CREB1: variants seen among roughly 807,000 people sequenced by gnomAD.
CREB1 encodes the protein cyclic AMP-responsive element-binding protein 1.
In CREB1, 2 loss-of-function variants were observed where a neutral mutation model predicts 42.0. The ratio of observed to expected loss-of-function variants is 0.05; its 90% confidence interval spans 0.02 to 0.15. The LOEUF (loss-of-function observed/expected upper bound fraction) is 0.15. CREB1 is among the 10% of genes least tolerant of loss of function. The pLI is 1.00. For synonymous variants in CREB1, 123 were observed against 139.9 expected (o/e 0.88, Z 0.85); for missense variants, 199 against 388.9 (o/e 0.51, Z 4.11).
chr2:207,594,345 T>C (rs540994084), intron 7 of CREB1, among the ~76,000 whole-genome samples: 8 of 152,284 alleles, frequency 5.3e-5, no homozygotes, highest in African/African-American at 1.9e-4. Context: ...TCTTGCAAAA[T>C]TGAAACTCTG....
Position 207,600,040 on chromosome 2 carries a change from T to G in CREB1, c.*2982T>G, listed in dbSNP as rs1269427382. The G allele has an allele frequency of 5.3e-6, 1 of 188,064 alleles. No homozygotes were observed. Among genetic ancestry groups the G allele is most frequent in the African/African-American group, 2.3e-5 (1 of 42,778 alleles). The allele number at this position is 188,064 out of a possible 1,614,324, so 11.6% of individuals were successfully genotyped here. A position where few individuals can be genotyped will look rare whatever the true frequency, so the allele number is the denominator to read the frequency against. ...TATTACTCTTATGAGTTTTCAAGCT[T>G]TGATAATGTTTAACTGAAAAGTGGC... On this transcript the variant is annotated 3_prime_UTR_variant, in exon 8 of 8. Transcript: ENST00000353267.
At position 207,605,269 on chromosome 2, in the gene CREB1, T is replaced by G. The variant is rs1490884881; in HGVS notation, c.*8211T>G. 1.3e-5 allele frequency among the ~76,000 whole-genome samples: 2 copies of G among 152,218 alleles called. No homozygotes were observed. The highest frequency in any genetic ancestry group is 3.8e-4 in the East Asian group (2 of 5,198). ...AAAATTATAGCCATCCTCATGGGTG[T>G]GGTCTCTCATTGTGGTTTTGATTTG... On this transcript the variant is annotated 3_prime_UTR_variant, in exon 8 of 8. Coordinates refer to ENST00000353267, the MANE Select transcript of CREB1 (RefSeq NM_004379.5).
intron 7 of CREB1, among the ~76,000 whole-genome samples, chr2:207,586,953 T>C (rs1225915021): frequency 6.6e-6 from 1 of 152,198 alleles, no homozygotes; most frequent in African/African-American, 2.4e-5. Flanking sequence ...TTAGTTAGAA[T>C]GGCTATAATC....
chr2:207,537,444 G>C (rs1391948187), intron 1 of CREB1, among the ~76,000 whole-genome samples: 1 of 152,174 alleles, frequency 6.6e-6, no homozygotes, highest in African/African-American at 2.4e-5. Context: ...GACTAACAGA[G>C]TTAAATGATT....
Position 207,580,273 on chromosome 2 carries a change from T to C in CREB1, c.839+2618T>C, listed in dbSNP as rs552609810. Among the ~76,000 whole-genome samples, 176 of 152,326 alleles carry C rather than the reference T, an allele frequency of 1.2e-3. 1 individual carries two copies. Among genetic ancestry groups the C allele is most frequent in the African/African-American group, 4.1e-3 (169 of 41,574 alleles). ...ACATGCTACTTCACTGATTCCAGTA[T>C]GCAGCCATCTTCTGCTGTGCCTCTC... On this transcript the variant is annotated intron_variant, in intron 7 of 7. Coordinates refer to ENST00000353267, the MANE Select transcript of CREB1 (RefSeq NM_004379.5).
At chr2:207,577,782 A>G (rs535181143) in intron 7 of CREB1, 127 bp downstream of exon 7, 1 of 1,131,230 alleles carries the variant, frequency 8.8e-7, no homozygotes, top group East Asian at 2.6e-5. Context: ...AGCAGAATTA[A>G]TGGATCTTGC....
intron 5 of CREB1, chr2:207,571,604 C>G: frequency 4.1e-6 from 1 of 242,006 alleles, no homozygotes. Flanking sequence ...ATATAAAGTA[C>G]AACTCTTTAC....
intron 5 of CREB1, among the ~76,000 whole-genome samples, chr2:207,573,156 C>G (rs1488370939): frequency 2.0e-5 from 3 of 152,148 alleles, no homozygotes; most frequent in Non-Finnish European, 4.4e-5. Context: ...TCTAGATTTT[C>G]TTCTACAATT....
chr2:207,571,876 A>AC (rs2082379598), intron 5 of CREB1: 2 of 357,418 alleles, frequency 5.6e-6, no homozygotes, highest in African/African-American at 4.3e-5. Context: ...AAGTACCAGC[A>AC]CCCCCATAGA....
chr2:207,560,328 G>T lies in CREB1; in HGVS notation c.217G>T (p.Ala73Ser). The T allele has an allele frequency of 2.5e-6, 4 of 1,613,904 alleles. No individual in the cohort carries two copies. Among genetic ancestry groups the T allele is most frequent in the East Asian group, 2.2e-5 (1 of 44,876 alleles). Residue 73 changes from alanine (A) to serine (S), a missense_variant, in exon 3 of 8, where the codon GCC (alanine) becomes TCC (serine). Ala to Ser is a moderately conservative substitution (Grantham distance 99). Around this residue, in one of 4 missense-constraint regions of CREB1, gnomAD observed 66 missense variants for 150.8 expected, o/e 0.44. Transcript: ENST00000353267. ...TVQVHGVIQAAQPSVIQSPQV... is the reference protein window; with the variant it reads ...TVQVHGVIQASQPSVIQSPQV... ...TCAAGTCCATGGAGTCATTCAGGCG[G>T]CCCAGCCATCAGTTATTCAGTCTCC... is the stretch of plus-strand genomic sequence containing the variant.
At chr2:207,575,971 G>A (rs1261134773) in intron 6 of CREB1, among the ~76,000 whole-genome samples, 4 of 108,012 alleles carry the variant, frequency 3.7e-5, no homozygotes, top group Non-Finnish European at 5.1e-5. Flanking sequence ...AATCTTCTGA[G>A]ATCATCAGTT....
intron 3 of CREB1, among the ~76,000 whole-genome samples, chr2:207,561,404 G>C (rs2081952333): frequency 1.3e-5 from 2 of 152,086 alleles, no homozygotes; most frequent in Non-Finnish European, 1.5e-5. Flanking sequence ...AACACTTTCA[G>C]AGAAAGGAAG....
At chr2:207,548,204 C>T (rs2081369450) in intron 1 of CREB1, among the ~76,000 whole-genome samples, 1 of 152,126 alleles carries the variant, frequency 6.6e-6, no homozygotes, top group South Asian at 2.1e-4. Flanking sequence ...GCAGGGATTA[C>T]AGGTGTGAGC....
chr2:207,566,329 G>A (rs953088225), intron 3 of CREB1, among the ~76,000 whole-genome samples: 5 of 152,150 alleles, frequency 3.3e-5, no homozygotes, highest in Admixed American at 6.5e-5. Context: ...GTTTTGACGT[G>A]GAGCTGACCT....
intron 7 of CREB1, among the ~76,000 whole-genome samples, chr2:207,579,661 A>G (rs2082765767): frequency 6.6e-6 from 1 of 152,178 alleles, no homozygotes. Context: ...GCTTAGATAT[A>G]GTTACCCTAC....
intron 7 of CREB1, chr2:207,581,980 G>A (rs2083021742): frequency 1.4e-6 from 1 of 701,356 alleles, no homozygotes; most frequent in African/African-American, 1.7e-5. Flanking sequence ...GTTTTGGGGA[G>A]GAATTCCACA....
chr2:207,572,282 T>C (rs2082398568), intron 5 of CREB1, among the ~76,000 whole-genome samples: 1 of 151,980 alleles, frequency 6.6e-6, no homozygotes, highest in Non-Finnish European at 1.5e-5. Flanking sequence ...GCTTTGTTCA[T>C]TATTTTTATC....
chr2:207,550,758 T>A (rs959229344), intron 1 of CREB1, among the ~76,000 whole-genome samples: 2 of 152,162 alleles, frequency 1.3e-5, no homozygotes, highest in African/African-American at 4.8e-5. Context: ...CCTGATTCAG[T>A]ATAGTTCTGT....
At chr2:207,590,083 G>GTT (rs59126515) in intron 7 of CREB1, among the ~76,000 whole-genome samples, 1,061 of 76,024 alleles carry the variant, frequency 0.014, 43 homozygotes, top group East Asian at 0.063. Flanking sequence ...ATTTTGAGAA[G>GTT]TTTTTTTTTT....
Sources: allele counts gnomAD v4.1 joint callset (sites outside exome capture counted in the v4.1 genomes callset), GRCh38; gene constraint gnomAD v4.1.1; regional missense constraint gnomAD v4.1.1; transcripts MANE v1.5; gene names NCBI Gene and HGNC (gene_info 2026-07-23, HGNC 2026-07-21).